The following PNPLA8 variants were observed in gnomAD, a reference collection of about 807,000 sequenced individuals.
PNPLA8 encodes calcium-independent phospholipase A2-gamma.
Under a neutral mutation model 76.9 loss-of-function variants are expected in PNPLA8, and 39 were observed. The observed-to-expected ratio is 0.51, with a 90% CI of 0.39 to 0.66. The LOEUF (loss-of-function observed/expected upper bound fraction) is 0.66. Among genes scored for constraint, PNPLA8 ranks in the 30% least tolerant of loss-of-function variants. The pLI, the probability that PNPLA8 is intolerant of heterozygous loss-of-function variation, is 0.00. For missense variants in PNPLA8, 887 were observed against 918.0 expected, an observed-to-expected ratio of 0.97 and a Z score of 0.44; for synonymous variants, 301 against 307.9, an observed-to-expected ratio of 0.98 and a Z score of 0.24.
chr7:108,480,197 T>G (rs1860296734), intron 9 of PNPLA8, among the ~76,000 whole-genome samples: 1 of 151,954 alleles, frequency 6.6e-6, no homozygotes, highest in Non-Finnish European at 1.5e-5. Flanking sequence ...GGACACCTGG[T>G]CTCTACAAAA....
intron 9 of PNPLA8, among the ~76,000 whole-genome samples, chr7:108,482,390 T>C (rs1860460026): frequency 6.6e-6 from 1 of 152,176 alleles, no homozygotes; most frequent in African/African-American, 2.4e-5. Context: ...GAGAATCACC[T>C]GAACCAGGGA....
intron 4 of PNPLA8, among the ~76,000 whole-genome samples, chr7:108,507,806 C>A (rs965855342): frequency 1.3e-5 from 2 of 151,802 alleles, no homozygotes; most frequent in African/African-American, 2.4e-5. Flanking sequence ...TCCAGCAGCA[C>A]ATCAAAAAAC....
intron 4 of PNPLA8, among the ~76,000 whole-genome samples, chr7:108,506,912 G>A (rs1862473755): frequency 6.6e-6 from 1 of 152,110 alleles, no homozygotes. Flanking sequence ...TCATGGAACT[G>A]TAAACTTACG....
chr7:108,500,753 T>C (rs762121263), intron 5 of PNPLA8, among the ~76,000 whole-genome samples: 1 of 152,050 alleles, frequency 6.6e-6, no homozygotes, highest in Non-Finnish European at 1.5e-5. Context: ...CTACTAAAAA[T>C]ACAAAAGTAG....
chr7:108,489,342 G>C (rs1374624372), intron 8 of PNPLA8, among the ~76,000 whole-genome samples: 1 of 152,132 alleles, frequency 6.6e-6, no homozygotes, highest in Non-Finnish European at 1.5e-5. Context: ...CTTGGATTCC[G>C]AGGCACTAAT....
intron 8 of PNPLA8, among the ~76,000 whole-genome samples, chr7:108,488,197 C>T (rs1184572625): frequency 1.3e-5 from 2 of 151,882 alleles, no homozygotes; most frequent in South Asian, 2.1e-4. Flanking sequence ...TTTATTTGAC[C>T]ATTACTCAAT....
At chr7:108,478,447 G>A (rs958634283) in intron 10 of PNPLA8, among the ~76,000 whole-genome samples, 2 of 152,118 alleles carry the variant, frequency 1.3e-5, no homozygotes, top group African/African-American at 4.8e-5. Context: ...CTAGAGTATA[G>A]TGGCACAATC....
chr7:108,505,451 C>T (rs1862351126), intron 4 of PNPLA8, among the ~76,000 whole-genome samples: 1 of 146,674 alleles, frequency 6.8e-6, no homozygotes, highest in South Asian at 2.2e-4. Flanking sequence ...CAACCTCCGC[C>T]TCCCAGGTTC....
chr7:108,520,137 C>T (rs770001863), intron 2 of PNPLA8, among the ~76,000 whole-genome samples: 1 of 152,094 alleles, frequency 6.6e-6, no homozygotes, highest in Admixed American at 6.6e-5. Context: ...AATTTGTATG[C>T]CATTTCTCTT....
chr7:108,475,401 T>G (rs1392902388), intron 10 of PNPLA8, among the ~76,000 whole-genome samples: 1 of 152,136 alleles, frequency 6.6e-6, no homozygotes, highest in Non-Finnish European at 1.5e-5. Flanking sequence ...ACCACTATTC[T>G]GGGTCCTTTG....
chr7:108,497,533 G>A lies in PNPLA8; in HGVS notation c.1403C>T (p.Thr468Ile). The change falls in exon 6 of 11, where the codon ACT becomes ATT. Residue 468 changes from threonine to isoleucine, a missense_variant. Transcript: ENST00000257694. ...AAAGAGCTGATGAACTGGCTTCTGAGTAAGTTCAACTAATTTTCGTAGGGT... is the reference window on the plus strand; with the variant it reads ...AAAGAGCTGATGAACTGGCTTCTGAATAAGTTCAACTAATTTTCGTAGGGT... ...LQTLRKLVEL[T>I]QKPVHQLFDY... 3.1e-6 allele frequency: 5 copies of A among 1,612,408 alleles called. No homozygotes were observed. The highest frequency in any genetic ancestry group is 4.2e-6 in the Non-Finnish European group (5 of 1,179,108).
At position 108,510,005 on chromosome 7, in the gene PNPLA8, T is replaced by C. The variant is rs1420328500; in HGVS notation, c.1206+4139A>G. Among the ~76,000 whole-genome samples, 11 of 124,516 alleles carry C rather than the reference T, an allele frequency of 8.8e-5. No homozygotes were observed. The South Asian group carries it at 1.6e-3, about 18-fold the overall frequency. The allele number at this position is 124,516 out of a possible 152,430, so 81.7% of individuals were successfully genotyped here. On this transcript the variant is annotated intron_variant, in intron 4 of 10. Transcript: ENST00000257694. ...GAACACACGGACACAGGAAGGGGAA[T>C]ATCACACTCTGGGGACTGTGGTGGG...
In PNPLA8 at chr7:108,526,106, T is replaced by C. The variant is rs929275520; in HGVS notation, c.-207A>G. ...GCAATGACGTCCACTCCAACCGGCC[T>C]GCATCAGCTGAGCTTCCAACACAAA... On this transcript the variant is annotated 5_prime_UTR_variant, in exon 1 of 11. Transcript: ENST00000257694. 11 of 985,492 alleles carry C rather than the reference T, an allele frequency of 1.1e-5. No individual in the cohort carries two copies. Among genetic ancestry groups the C allele is most frequent in the South Asian group, 9.4e-5 (2 of 21,316 alleles). The allele number at this position is 985,492 out of a possible 1,614,324, so 61.0% of individuals were successfully genotyped here.
intron 4 of PNPLA8, among the ~76,000 whole-genome samples, chr7:108,507,428 C>G (rs929105661): frequency 6.7e-6 from 1 of 149,668 alleles, no homozygotes; most frequent in Non-Finnish European, 1.5e-5. Context: ...GCAAGGCAGG[C>G]AGATTGCTTG....
intron 5 of PNPLA8, among the ~76,000 whole-genome samples, chr7:108,499,444 T>C (rs891193995): frequency 1.3e-5 from 2 of 152,236 alleles, no homozygotes; most frequent in African/African-American, 4.8e-5. Context: ...TTTTATTTTT[T>C]CTCTCAATCC....
At position 108,491,686 on chromosome 7, in the gene PNPLA8, C is replaced by T. The variant is rs183646036; in HGVS notation, c.1626-219G>A. On this transcript the variant is annotated intron_variant, in intron 7 of 10. Coordinates refer to ENST00000257694, the MANE Select transcript of PNPLA8 (RefSeq NM_001256007.3). ...CTCTGATTCAAACTGCAAGTATCTA[C>T]AGTTCTGAGGTGGAGCAACGAACAG... Among the ~76,000 whole-genome samples, 62 of 152,308 alleles carry T rather than the reference C, an allele frequency of 4.1e-4. 1 individual carries two copies. The highest frequency in any genetic ancestry group is 1.5e-3 in the African/African-American group (61 of 41,562).
At chr7:108,505,330 ATATATATATATATATATATATATTTTTTT>A (rs1656214604) in intron 4 of PNPLA8, among the ~76,000 whole-genome samples, 5 of 5,218 alleles carry the variant, frequency 9.6e-4, no homozygotes, top group African/African-American at 4.8e-3. Flanking sequence ...ATATATATAT[ATATATATATATATATATATATATTTTTTT>A]TTTTTTTTTT....
intron 4 of PNPLA8, among the ~76,000 whole-genome samples, chr7:108,506,367 C>A (rs965558580): frequency 2.7e-5 from 4 of 150,916 alleles, no homozygotes; most frequent in Non-Finnish European, 5.9e-5. Flanking sequence ...AACAGAGCGA[C>A]ACTCAGTCTC....
upstream of PNPLA8, chr7:108,526,397 GT>G (rs1195148104): frequency 1.3e-5 from 2 of 155,512 alleles, no homozygotes; most frequent in African/African-American, 4.8e-5. Flanking sequence ...TGGCTTGCTG[GT>G]GGGGCGTGCT....
Sources: gnomAD v4.1 joint callset for allele counts (sites outside exome capture counted in the v4.1 genomes callset) on GRCh38, gnomAD v4.1.1 for gene constraint, MANE v1.5 for transcripts, NCBI Gene and HGNC (gene_info 2026-07-23, HGNC 2026-07-21) for gene names.